The following FBXW10B variants were observed in gnomAD, a reference collection of about 807,000 sequenced individuals.
FBXW10B encodes the protein F-box and WD repeat domain containing 10B.
chr17:15,598,742 G>A, the FBXW10B span: 2 of 1,561,710 alleles, frequency 1.3e-6, no homozygotes, highest in Non-Finnish European at 1.7e-6. Context: ...TTAGTTAGTT[G>A]GGAGGCAGCA....
chr17:15,618,962 T>C, the FBXW10B span: 2 of 1,592,698 alleles, frequency 1.3e-6, no homozygotes, highest in Admixed American at 1.8e-5. Flanking sequence ...AGCCTTGCCT[T>C]CTGGTCTTCG....
At chr17:15,582,889 T>C in the FBXW10B span, among the ~76,000 whole-genome samples, 1 of 151,326 alleles carries the variant, frequency 6.6e-6, no homozygotes, top group Non-Finnish European at 1.5e-5. Flanking sequence ...AGATTAAAGA[T>C]ACAAGCTAGC....
At chr17:15,570,865 C>A in the FBXW10B span, among the ~76,000 whole-genome samples, 1 of 152,266 alleles carries the variant, frequency 6.6e-6, no homozygotes, top group African/African-American at 2.4e-5. Flanking sequence ...AAGCCACAAA[C>A]CATGCAAGAA....
chr17:15,585,182 G>A, the FBXW10B span, among the ~76,000 whole-genome samples: 3 of 151,314 alleles, frequency 2.0e-5, no homozygotes, highest in South Asian at 6.3e-4. Context: ...TTCCTTTCTG[G>A]GTATATAGGA....
chr17:15,613,758 A>G, the FBXW10B span: 2 of 1,613,480 alleles, frequency 1.2e-6, no homozygotes, highest in Middle Eastern at 1.6e-4. Flanking sequence ...AAAAAAAAAA[A>G]GATGGACCCA....
the FBXW10B span, among the ~76,000 whole-genome samples, chr17:15,601,296 C>A: frequency 6.7e-6 from 1 of 148,812 alleles, no homozygotes; most frequent in Non-Finnish European, 1.5e-5. Flanking sequence ...GTAGTCCCAG[C>A]TACTCGGGAG....
At chr17:15,611,834 C>T in the FBXW10B span, among the ~76,000 whole-genome samples, 2 of 152,114 alleles carry the variant, frequency 1.3e-5, no homozygotes, top group Admixed American at 6.5e-5. Context: ...GCAAAGAGCT[C>T]GAAGAGTCTT....
the FBXW10B span, chr17:15,619,337 C>A: frequency 6.2e-7 from 1 of 1,613,784 alleles, no homozygotes; most frequent in Non-Finnish European, 8.5e-7. Context: ...CTTCAGAATG[C>A]CAACTAGAAA....
the FBXW10B span, chr17:15,565,806 G>A: frequency 1.2e-6 from 2 of 1,613,880 alleles, no homozygotes; most frequent in South Asian, 2.2e-5. Context: ...TAAGAGACAG[G>A]GTGGCTGTGC....
the FBXW10B span, among the ~76,000 whole-genome samples, chr17:15,570,596 A>G: frequency 6.6e-6 from 1 of 152,240 alleles, no homozygotes; most frequent in Admixed American, 6.5e-5. Context: ...CCTGACTAGT[A>G]TATAATAAGG....
At chr17:15,612,124 C>T in the FBXW10B span, among the ~76,000 whole-genome samples, 2 of 152,136 alleles carry the variant, frequency 1.3e-5, no homozygotes, top group South Asian at 2.1e-4. Context: ...ACACAAAACA[C>T]GGCCAGGGGC....
chr17:15,608,162 ATTT>A, the FBXW10B span, among the ~76,000 whole-genome samples: 8,315 of 131,474 alleles, frequency 0.063, 425 homozygotes, highest in East Asian at 0.15. Context: ...ATGCATTTGC[ATTT>A]TTTTTTTTTT....
the FBXW10B span, among the ~76,000 whole-genome samples, chr17:15,585,943 CTT>C: frequency 3.6e-4 from 49 of 137,092 alleles, no homozygotes; most frequent in Middle Eastern, 0.023. Flanking sequence ...TCATTTTCTT[CTT>C]TTTTTTTTTT....
chr17:15,608,864 A>G, the FBXW10B span, among the ~76,000 whole-genome samples: 7 of 152,234 alleles, frequency 4.6e-5, no homozygotes, highest in African/African-American at 1.4e-4. Flanking sequence ...TTTACAGATA[A>G]GGTATCTGGG....
chr17:15,617,827 T>C, the FBXW10B span, among the ~76,000 whole-genome samples: 2 of 152,174 alleles, frequency 1.3e-5, no homozygotes, highest in Non-Finnish European at 2.9e-5. Flanking sequence ...CAAATAAAAC[T>C]CTTTTCCTTA....
chr17:15,586,094 A>G, the FBXW10B span, among the ~76,000 whole-genome samples: 1 of 151,776 alleles, frequency 6.6e-6, no homozygotes, highest in Non-Finnish European at 1.5e-5. Context: ...TAATTTTTCA[A>G]TCAGAATTGT....
chr17:15,599,208 G>C, the FBXW10B span, among the ~76,000 whole-genome samples: 1 of 144,072 alleles, frequency 6.9e-6, no homozygotes, highest in African/African-American at 2.6e-5. Context: ...TACATCATAG[G>C]GTTTTTGTGA....
the FBXW10B span, chr17:15,568,799 G>GTGCCTT: frequency 8.5e-7 from 1 of 1,174,348 alleles, no homozygotes. Context: ...GCCATCCTAG[G>GTGCCTT]CACTCTTTTT....
the FBXW10B span, chr17:15,588,868 T>A: frequency 3.5e-5 from 56 of 1,614,088 alleles, no homozygotes; most frequent in Non-Finnish European, 2.4e-5. Flanking sequence ...GCTAGCTGTG[T>A]CCTTTGCCAC....
Sources: allele counts gnomAD v4.1 joint callset (sites outside exome capture counted in the v4.1 genomes callset), GRCh38; gene constraint gnomAD v4.1.1; transcripts MANE v1.5; gene names NCBI Gene and HGNC (gene_info 2026-07-23, HGNC 2026-07-21).